RRAGD: variants seen among roughly 807,000 people sequenced by gnomAD.
The protein encoded by RRAGD is ras-related GTP-binding protein D.
A neutral mutation model predicts 35.5 loss-of-function variants in RRAGD; 12 were observed. The ratio of observed to expected loss-of-function variants is 0.34; its 90% CI spans 0.22 to 0.55. The LOEUF (loss-of-function observed/expected upper bound fraction) is 0.55. RRAGD is among the 20% of genes least tolerant of loss of function. RRAGD has a pLI of 0.91. For synonymous variants in RRAGD, 155 were observed against 178.9 expected (o/e 0.87, Z 1.07); for missense variants, 324 against 490.1 (o/e 0.66, Z 3.20).
At chr6:89,410,714 C>T (rs1769676093) in intron 1 of RRAGD, among the ~76,000 whole-genome samples, 3 of 152,204 alleles carry the variant, frequency 2.0e-5, no homozygotes, top group Admixed American at 2.0e-4. Context: ...CATTGAAAGT[C>T]GTGCCTGCCA....
chr6:89,386,224 C>T (rs1446022443), intron 2 of RRAGD, among the ~76,000 whole-genome samples: 1 of 152,288 alleles, frequency 6.6e-6, no homozygotes, highest in Admixed American at 6.5e-5. Flanking sequence ...TTTCTAAGAG[C>T]CCCAGACATG....
intron 1 of RRAGD, among the ~76,000 whole-genome samples, chr6:89,399,452 A>G (rs1476628007): frequency 1.3e-5 from 2 of 152,110 alleles, no homozygotes; most frequent in East Asian, 1.9e-4. Context: ...GATGCATTTT[A>G]TTACATTCAG....
chr6:89,412,252 A>AGGAG lies in RRAGD; in HGVS notation c.-263_-260dup, dbSNP rs1769723794. 4.6e-6 allele frequency: 1 copy of AGGAG among 219,364 alleles called. No homozygotes were observed. The highest frequency in any genetic ancestry group is 8.0e-6 in the Non-Finnish European group (1 of 125,412). The allele number at this position is 219,364 out of a possible 1,614,324, so 13.6% of individuals were successfully genotyped here. A position where few individuals can be genotyped will look rare whatever the true frequency, so the allele number is the denominator to read the frequency against. On this transcript the variant is annotated 5_prime_UTR_variant, in exon 1 of 7. Coordinates refer to ENST00000369415, the MANE Select transcript of RRAGD (RefSeq NM_021244.5). This position sits in a 1 kb window ranked among gnomAD's most constrained non-coding sequence, Gnocchi z 4.2. ...GCCGGAGCGCGGCAGTTCCTCCCGG[A>AGGAG]GGAGGGAGAGAGAGAGAGACTGCGT...
chr6:89,400,839 CA>C (rs1385500233), intron 1 of RRAGD, among the ~76,000 whole-genome samples: 1 of 152,128 alleles, frequency 6.6e-6, no homozygotes, highest in Non-Finnish European at 1.5e-5. Flanking sequence ...AATCGGGGGA[CA>C]AGTCTTCAAA....
intron 6 of RRAGD, among the ~76,000 whole-genome samples, chr6:89,369,279 T>A (rs781728237): frequency 6.6e-6 from 1 of 152,066 alleles, no homozygotes; most frequent in Non-Finnish European, 1.5e-5. Context: ...AGGGGAAAAG[T>A]AATAAAAACA....
At chr6:89,399,770 T>TC (rs1471152360) in intron 1 of RRAGD, among the ~76,000 whole-genome samples, 1 of 149,398 alleles carries the variant, frequency 6.7e-6, no homozygotes, top group East Asian at 1.9e-4. Flanking sequence ...CCCAGCTATT[T>TC]TTTTTTTTTT....
At position 89,386,121 on chromosome 6, in the gene RRAGD, G is replaced by A. The variant is rs544444911; in HGVS notation, c.444+1174C>T. Reference sequence around the variant, plus strand: ...ACCTGAACCTCAGAGTTGGTTCAGCGCATGCTGAGAAGGGCTGATGCCATT... The same window carrying A: ...ACCTGAACCTCAGAGTTGGTTCAGCACATGCTGAGAAGGGCTGATGCCATT... On this transcript the variant is annotated intron_variant, in intron 2 of 6. Transcript: ENST00000369415. Among the ~76,000 whole-genome samples, 185 of 152,302 alleles carry A rather than the reference G, an allele frequency of 1.2e-3. 1 individual carries two copies. Among genetic ancestry groups the A allele is most frequent in the African/African-American group, 3.8e-3 (160 of 41,566 alleles).
At chr6:89,373,073 G>A (rs538022609) in intron 5 of RRAGD, among the ~76,000 whole-genome samples, 33 of 152,278 alleles carry the variant, frequency 2.2e-4, no homozygotes, top group Admixed American at 1.2e-3. Flanking sequence ...TCTGAATATC[G>A]TCTATATATT....
At position 89,411,712 on chromosome 6, in the gene RRAGD, C is replaced by A. The variant is rs1268210515; in HGVS notation, c.148+134G>T. 1.9e-5 allele frequency: 20 copies of A among 1,039,346 alleles called. No individual in the cohort carries two copies. The highest frequency in any genetic ancestry group is 2.6e-5 in the Non-Finnish European group (19 of 738,634). The allele number at this position is 1,039,346 out of a possible 1,614,324, so 64.4% of individuals were successfully genotyped here. On this transcript the variant is annotated intron_variant, in intron 1 of 6. Coordinates refer to ENST00000369415, the MANE Select transcript of RRAGD (RefSeq NM_021244.5). This position sits in a 1 kb window ranked among gnomAD's most constrained non-coding sequence, Gnocchi z 5.6. ...TCGGGCTTTTGGCGTCCCTCCCCAC[C>A]CCAAACCCTCAACTGGACCCGCTCC...
intron 6 of RRAGD, among the ~76,000 whole-genome samples, chr6:89,370,795 A>C (rs1768841738): frequency 6.6e-6 from 1 of 152,212 alleles, no homozygotes; most frequent in Non-Finnish European, 1.5e-5. Flanking sequence ...AGAATTCATC[A>C]TACAATCTAT....
intron 6 of RRAGD, among the ~76,000 whole-genome samples, chr6:89,370,240 CT>C (rs1199528109): frequency 1.3e-5 from 2 of 152,120 alleles, no homozygotes; most frequent in Non-Finnish European, 2.9e-5. Context: ...GTTCTTGTTT[CT>C]AGCAAGATGA....
rs998554967 is a variant in RRAGD at position 89,401,343 on chromosome 6, T to C, written c.148+10503A>G. 2.0e-5 allele frequency among the ~76,000 whole-genome samples: 3 copies of C among 151,948 alleles called. No individual in the cohort carries two copies. The South Asian group carries it at 6.2e-4, about 32-fold the overall frequency. ...CGCAATCTTAGCTCACTGCAACCTC[T>C]TCCTCCCAGGTTCGAGCGATTCTCC... On this transcript the variant is annotated intron_variant, in intron 1 of 6. Coordinates refer to ENST00000369415, the MANE Select transcript of RRAGD (RefSeq NM_021244.5).
chr6:89,377,822 TAA>T lies in RRAGD; in HGVS notation c.760-11_760-10del. ...TTTTCAATTCCAGAATTCTGAAATT[TAA>T]AAAAAAAAGTTGCCTTAAAGCAACA... On this transcript the variant is annotated splice_polypyrimidine_tract_variant and intron_variant, in intron 4 of 6. Transcript: ENST00000369415. 1 of 1,413,690 alleles carries T rather than the reference TAA, an allele frequency of 7.1e-7. No homozygotes were observed. Among genetic ancestry groups the T allele is most frequent in the Non-Finnish European group, 9.6e-7 (1 of 1,043,884 alleles). The allele number at this position is 1,413,690 out of a possible 1,614,324, so 87.6% of individuals were successfully genotyped here.
rs1582513440 is a variant in RRAGD, at chr6:89,387,475, G to T, written c.264C>A (p.Pro88=). 1 of 1,614,150 alleles carries T rather than the reference G, an allele frequency of 6.2e-7. No individual in the cohort carries two copies. ...IQKVVFHKMS[P]NETLFLESTN... is the part of the protein sequence containing the mutation. ...TGCTCTCCAAGAACAGAGTTTCGTT[G>T]GGAGACATTTTGTGAAAGACAACTT... Residue 88 remains proline (P), a synonymous_variant, in exon 2 of 7, where the codon CCC becomes CCA. Transcript: ENST00000369415.
At chr6:89,392,193 G>T (rs1769248215) in intron 1 of RRAGD, among the ~76,000 whole-genome samples, 1 of 152,098 alleles carries the variant, frequency 6.6e-6, no homozygotes, top group African/African-American at 2.4e-5. Flanking sequence ...AAGAAAAGGA[G>T]CTGGGCACAG....
At chr6:89,373,722 T>C (rs182995533) in intron 5 of RRAGD, among the ~76,000 whole-genome samples, 11 of 152,338 alleles carry the variant, frequency 7.2e-5, no homozygotes, top group Non-Finnish European at 1.5e-4. Context: ...TTGCTAGCTA[T>C]GTGAGCTTGG....
At position 89,365,537 on chromosome 6, in the gene RRAGD, C is replaced by T. The variant is rs565490429; in HGVS notation, c.*2519G>A. On this transcript the variant is annotated 3_prime_UTR_variant, in exon 7 of 7. Transcript: ENST00000369415. ...AATAACACAGATTTGAAAAACTGAA[C>T]GCTTAGACATAACTCCTGCATCTTT... 2.6e-5 allele frequency: 4 copies of T among 152,254 alleles called. No homozygotes were observed. Among genetic ancestry groups the T allele is most frequent in the South Asian group, 2.1e-4 (1 of 4,830 alleles). 9.4% of individuals were successfully genotyped at this position (152,254 alleles called of 1,614,324 possible).
intron 2 of RRAGD, among the ~76,000 whole-genome samples, chr6:89,385,315 T>C (rs954130562): frequency 2.6e-5 from 4 of 152,224 alleles, no homozygotes; most frequent in Admixed American, 1.3e-4. Flanking sequence ...ATGAGTCATC[T>C]GGTTGGAAAT....
chr6:89,411,013 T>C lies in RRAGD; in HGVS notation c.148+833A>G, dbSNP rs969620517. On this transcript the variant is annotated intron_variant, in intron 1 of 6. Transcript: ENST00000369415. The surrounding 1 kb of genome is among the most constrained non-coding windows in gnomAD (Gnocchi z 5.6). ...CTTCTGAGGGAAACTAAAAAAAGTT[T>C]AACCTCTCTGGAATACTAAAAGGCT... Among the ~76,000 whole-genome samples the C allele has an allele frequency of 5.3e-5, 8 of 152,188 alleles. No individual in the cohort carries two copies. Among genetic ancestry groups the C allele is most frequent in the African/African-American group, 1.9e-4 (8 of 41,440 alleles).
Sources: gnomAD v4.1 joint callset for allele counts (sites outside exome capture counted in the v4.1 genomes callset) on GRCh38, gnomAD v4.1.1 for gene constraint, Gnocchi (gnomAD v3.1) non-coding constraint, MANE v1.5 for transcripts, NCBI Gene and HGNC (gene_info 2026-07-23, HGNC 2026-07-21) for gene names.